SGCZ: variants seen among roughly 807,000 people sequenced by gnomAD.
SGCZ encodes zeta-sarcoglycan.
A neutral mutation model predicts 41.3 loss-of-function variants in SGCZ; 40 were observed. The observed-to-expected ratio is 0.97, with a 90% CI of 0.75 to 1.26. The LOEUF (loss-of-function observed/expected upper bound fraction) is 1.26. Ranked by LOEUF, SGCZ falls within the 50% of genes most tolerant of loss-of-function variation. The pLI, the probability that SGCZ is intolerant of heterozygous loss-of-function variation, is 0.00. For synonymous variants in SGCZ, 206 were observed against 137.5 expected, an observed-to-expected ratio of 1.50 and a Z score of -3.49; for missense variants, 552 against 369.8, an observed-to-expected ratio of 1.49 and a Z score of -4.04.
At chr8:15,159,247 G>C (rs1799426229) in intron 1 of SGCZ, among the ~76,000 whole-genome samples, 1 of 152,190 alleles carries the variant, frequency 6.6e-6, no homozygotes, top group Non-Finnish European at 1.5e-5. Context: ...GGTCCACGGA[G>C]AGCAGGCATG....
At chr8:14,827,669 G>T (rs1317332473) in intron 1 of SGCZ, among the ~76,000 whole-genome samples, 1 of 152,176 alleles carries the variant, frequency 6.6e-6, no homozygotes, top group Non-Finnish European at 1.5e-5. Flanking sequence ...TGTGTGCCCT[G>T]CAGAGCCTTA....
intron 2 of SGCZ, among the ~76,000 whole-genome samples, chr8:14,335,388 G>C (rs568288509): frequency 9.9e-5 from 15 of 152,132 alleles, no homozygotes; most frequent in African/African-American, 3.6e-4. Flanking sequence ...TTCCAAGGAT[G>C]AATTTTTTTT....
At chr8:14,457,456 G>C (rs907658311) in intron 2 of SGCZ, among the ~76,000 whole-genome samples, 2 of 152,186 alleles carry the variant, frequency 1.3e-5, no homozygotes, top group Non-Finnish European at 1.5e-5. Context: ...TTCCCTGGGG[G>C]AGTTTAGAGA....
At chr8:15,041,749 A>ATTTTTTTTTTTTTTTTTTTTTTTT (rs1330766623) in intron 1 of SGCZ, among the ~76,000 whole-genome samples, 1 of 152,154 alleles carries the variant, frequency 6.6e-6, no homozygotes, top group Non-Finnish European at 1.5e-5. Context: ...ATTGGGAAAG[A>ATTTTTTTTTTTTTTTTTTTTTTTT]CTTTTTAATT....
intron 5 of SGCZ, among the ~76,000 whole-genome samples, chr8:14,150,689 G>A (rs1170250966): frequency 2.0e-5 from 3 of 152,082 alleles, no homozygotes; most frequent in Non-Finnish European, 1.5e-5. Context: ...CACAAAAGAA[G>A]AGAAAACGGT....
intron 1 of SGCZ, among the ~76,000 whole-genome samples, chr8:14,986,412 C>T (rs1040317366): frequency 4.6e-5 from 7 of 151,998 alleles, no homozygotes; most frequent in African/African-American, 1.7e-4. Flanking sequence ...ATACGCACAG[C>T]ATTTTCACCA....
chr8:15,017,560 G>T (rs1235868494), intron 1 of SGCZ, among the ~76,000 whole-genome samples: 1 of 152,028 alleles, frequency 6.6e-6, no homozygotes, highest in African/African-American at 2.4e-5. Context: ...TGAGTGCAAT[G>T]GCACAACCAC....
intron 4 of SGCZ, among the ~76,000 whole-genome samples, chr8:14,195,566 C>T (rs1029753978): frequency 2.6e-5 from 4 of 152,060 alleles, no homozygotes; most frequent in African/African-American, 9.7e-5. Context: ...AAATCCTCAG[C>T]ACAAAAATAC....
rs531129381 is a variant in SGCZ at position 15,066,551 on chromosome 8, A to G, written c.39+171034T>C. On this transcript the variant is annotated intron_variant, in intron 1 of 7. Coordinates refer to ENST00000382080, the MANE Select transcript of SGCZ (RefSeq NM_139167.4). ...CTATTTTTTAAGATTTTCATAGTCA[A>G]CTTTTATAATTCTTTCTGCTTTATT... is the stretch of plus-strand genomic sequence containing the variant. 3.3e-5 allele frequency among the ~76,000 whole-genome samples: 5 copies of G among 152,256 alleles called. No homozygotes were observed. In the South Asian group the frequency reaches 1.0e-3, roughly 32 times the overall value.
chr8:15,103,896 CAA>C (rs1806712622), intron 1 of SGCZ, among the ~76,000 whole-genome samples: 1 of 152,092 alleles, frequency 6.6e-6, no homozygotes, highest in Non-Finnish European at 1.5e-5. Context: ...GAAAAAGTGT[CAA>C]AGTCACACTA....
chr8:14,160,348 T>C (rs1804002233), intron 5 of SGCZ, among the ~76,000 whole-genome samples: 1 of 152,236 alleles, frequency 6.6e-6, no homozygotes, highest in Non-Finnish European at 1.5e-5. Context: ...AGTTGATTGA[T>C]TCTGCCTGAA....
At position 14,086,848 on chromosome 8, in the gene SGCZ, G is replaced by A. The variant is rs1801535609; in HGVS notation, c.*3595C>T. On this transcript the variant is annotated 3_prime_UTR_variant, in exon 8 of 8. Coordinates refer to ENST00000382080, the MANE Select transcript of SGCZ (RefSeq NM_139167.4). Reference sequence around the variant, plus strand: ...AGATCACAAATGCTAGTTCAGATATGGCTACTTAACCTAAGATTTATGAGT... The same window carrying A: ...AGATCACAAATGCTAGTTCAGATATAGCTACTTAACCTAAGATTTATGAGT... Among the ~76,000 whole-genome samples the A allele has an allele frequency of 6.6e-6, 1 of 151,586 alleles. No homozygotes were observed. The highest frequency in any genetic ancestry group is 2.1e-4 in the South Asian group (1 of 4,828).
At position 14,507,100 on chromosome 8, in the gene SGCZ, C is replaced by T. The variant is rs188105806; in HGVS notation, c.234+47632G>A. Among the ~76,000 whole-genome samples the T allele has an allele frequency of 3.3e-5, 5 of 152,306 alleles. No homozygotes were observed. In the East Asian group the frequency reaches 9.7e-4, roughly 29 times the overall value. ...TGTCAAATGGGTAACTCAAAATTAA[C>T]ATGCCAAAAACTAATCTTCCCTATC... On this transcript the variant is annotated intron_variant, in intron 2 of 7. Coordinates refer to ENST00000382080, the MANE Select transcript of SGCZ (RefSeq NM_139167.4).
chr8:14,759,486 A>G (rs1009967046), intron 1 of SGCZ, among the ~76,000 whole-genome samples: 1 of 152,234 alleles, frequency 6.6e-6, no homozygotes, highest in South Asian at 2.1e-4. Flanking sequence ...AAGACAACTT[A>G]TTCCAGAAAA....
At chr8:15,012,175 T>C (rs1445183018) in intron 1 of SGCZ, among the ~76,000 whole-genome samples, 1 of 152,070 alleles carries the variant, frequency 6.6e-6, no homozygotes, top group African/African-American at 2.4e-5. Context: ...AAAATAAATA[T>C]TTTATTGCTG....
At chr8:14,206,735 C>T (rs1364000100) in intron 4 of SGCZ, among the ~76,000 whole-genome samples, 2 of 152,156 alleles carry the variant, frequency 1.3e-5, no homozygotes, top group African/African-American at 4.8e-5. Flanking sequence ...AAGGGTATTA[C>T]CCCCTAAATT....
chr8:15,074,061 T>C (rs1440169358), intron 1 of SGCZ, among the ~76,000 whole-genome samples: 1 of 152,154 alleles, frequency 6.6e-6, no homozygotes, highest in Non-Finnish European at 1.5e-5. Context: ...CGAGTAACGA[T>C]GTTATGTGCA....
intron 1 of SGCZ, among the ~76,000 whole-genome samples, chr8:15,100,617 G>T (rs1806571285): frequency 6.6e-6 from 1 of 152,076 alleles, no homozygotes; most frequent in African/African-American, 2.4e-5. Flanking sequence ...ATTTGAAAAG[G>T]TAAAAGACTC....
intron 2 of SGCZ, among the ~76,000 whole-genome samples, chr8:14,343,788 C>G (rs866837361): frequency 6.6e-6 from 1 of 151,862 alleles, no homozygotes; most frequent in Non-Finnish European, 1.5e-5. Context: ...CCTCTCTAAG[C>G]AAAGATAACA....
Sources: gnomAD v4.1 joint callset for allele counts (sites outside exome capture counted in the v4.1 genomes callset) on GRCh38, gnomAD v4.1.1 for gene constraint, MANE v1.5 for transcripts, NCBI Gene and HGNC (gene_info 2026-07-23, HGNC 2026-07-21) for gene names.